The following ATAD2 variants were observed in gnomAD, a reference collection of about 807,000 sequenced individuals.
ATAD2 encodes the protein ATPase family AAA domain-containing protein 2.
In ATAD2, 62 loss-of-function variants were observed where a neutral mutation model predicts 168.9. That is an observed-to-expected ratio of 0.37 (90% confidence interval 0.30 to 0.45). The LOEUF (loss-of-function observed/expected upper bound fraction) is 0.45, where lower values mean the gene tolerates loss of function less well. Ranked by LOEUF, ATAD2 falls within the 20% of genes least tolerant of loss-of-function variation. The pLI is 1.00. For synonymous variants in ATAD2, 613 were observed against 571.6 expected, an observed-to-expected ratio of 1.07 and a Z score of -1.03; for missense variants, 1,419 against 1,667.8, an observed-to-expected ratio of 0.85 and a Z score of 2.60.
rs117211505 is a variant in ATAD2, at chr8:123,369,944, C to G, written c.808G>C (p.Asp270His). The change falls in exon 7 of 28, where the codon GAT (aspartate) becomes CAT (histidine). Residue 270 changes from aspartate (D) to histidine (H), a missense_variant. Asp to His is a moderately conservative substitution (Grantham distance 81). This residue lies in a region of ATAD2 where 419 missense variants were observed against 423.5 expected (regional missense o/e 0.99). Coordinates refer to ENST00000287394, the MANE Select transcript of ATAD2 (RefSeq NM_014109.4). Reference protein sequence around the residue: ...EDDEDDDDDDDDDDDDDDEDD... With the variant: ...EDDEDDDDDDHDDDDDDDEDD... ...TCATCATCATCATCATCATCATCATCGTCATCATCATCATCATCTTCATCA... is the reference window on the plus strand; with the variant it reads ...TCATCATCATCATCATCATCATCATGGTCATCATCATCATCATCTTCATCA... 6.3e-7 allele frequency: 1 copy of G among 1,577,648 alleles called. No individual in the cohort carries two copies. The highest frequency in any genetic ancestry group is 1.1e-5 in the South Asian group (1 of 90,256).
At chr8:123,328,780 T>A (rs1357442834) in intron 24 of ATAD2, among the ~76,000 whole-genome samples, 1 of 149,680 alleles carries the variant, frequency 6.7e-6, no homozygotes, top group Non-Finnish European at 1.5e-5. Flanking sequence ...TGGTAAAAAA[T>A]TTTGATTTTA....
chr8:123,334,925 G>A (rs572602982), intron 22 of ATAD2, among the ~76,000 whole-genome samples: 8 of 152,294 alleles, frequency 5.3e-5, no homozygotes, highest in African/African-American at 1.7e-4. Flanking sequence ...TACATTACAC[G>A]CAGAATGCTG....
Position 123,403,319 on chromosome 8 carries a change from C to T in ATAD2, c.-2281-2144G>A, listed in dbSNP as rs1047530380. On this transcript the variant is annotated intron_variant, in intron 1 of 28. Transcript: ENST00000521903. ...TTTGCCATGTTGCCCAGGCTGGTCT[C>T]GAACTCCTGAGCTCAGGTGATCTGC... is the stretch of plus-strand genomic sequence containing the variant. Among the ~76,000 whole-genome samples, 7 of 151,640 alleles carry T rather than the reference C, an allele frequency of 4.6e-5. No individual in the cohort carries two copies. The East Asian group carries it at 9.7e-4, about 21-fold the overall frequency.
At position 123,325,900 on chromosome 8, in the gene ATAD2, C is replaced by T. The variant is rs149917956; in HGVS notation, c.3995G>A (p.Arg1332Gln). 9.9e-6 allele frequency: 16 copies of T among 1,613,634 alleles called. No homozygotes were observed. Among genetic ancestry groups the T allele is most frequent in the Middle Eastern group, 1.6e-4 (1 of 6,082 alleles). Reference protein sequence around the residue: ...PTPSLVVDHERLKNLLKTVVK... With the variant: ...PTPSLVVDHEQLKNLLKTVVK... ...TGATTTCAATTTACATACTTTTAAT[C>T]GCTCATGATCCACAACAAGTGAGGG... The change falls in exon 26 of 28, where the codon CGA (arginine) becomes CAA (glutamine). Residue 1332 changes from arginine (R) to glutamine (Q), a missense_variant. Physicochemically the swap from Arg to Gln is conservative, Grantham distance 43 (BLOSUM62 1). Coordinates refer to ENST00000287394, the MANE Select transcript of ATAD2 (RefSeq NM_014109.4).
chr8:123,348,390 A>T (rs1017575787), intron 14 of ATAD2, 117 bp from the exon 15 acceptor site: 1 of 790,212 alleles, frequency 1.3e-6, no homozygotes, highest in African/African-American at 1.8e-5. Context: ...TCAGTACTTA[A>T]TACTGGCCGG....
At chr8:123,379,094 A>C (rs1006093123) in intron 2 of ATAD2, among the ~76,000 whole-genome samples, 3 of 152,068 alleles carry the variant, frequency 2.0e-5, no homozygotes, top group African/African-American at 7.2e-5. Context: ...CACAGTGCCC[A>C]GCCAAAACAA....
Position 123,334,037 on chromosome 8 carries a change from G to T in ATAD2, c.3335-16C>A, listed in dbSNP as rs114329683. On this transcript the variant is annotated splice_polypyrimidine_tract_variant and intron_variant, in intron 23 of 27. Transcript: ENST00000287394. ...GAGCTACAACCTTATAAATAGATAT[G>T]TGGGATGTCAAAAGGATTTCCAGAT... is the stretch of plus-strand genomic sequence containing the variant. 1.2e-3 allele frequency: 1,901 copies of T among 1,597,096 alleles called. 31 individuals are homozygous for T. The African/African-American group carries it at 0.023, about 19-fold the overall frequency.
intron 12 of ATAD2, 107 bp downstream of exon 12, chr8:123,357,455 T>C: frequency 9.2e-7 from 1 of 1,090,526 alleles, no homozygotes; most frequent in Non-Finnish European, 1.2e-6. Context: ...AGTCTAATTC[T>C]TCTGGGTTTA....
intron 11 of ATAD2, 116 bp downstream of exon 11, chr8:123,359,105 T>C (rs779738332): frequency 1.8e-4 from 114 of 637,988 alleles, no homozygotes; most frequent in Non-Finnish European, 2.7e-4. Flanking sequence ...AGTTGTATAA[T>C]GAAAAGGGAA....
At chr8:123,333,126 C>T (rs1270602378) in intron 24 of ATAD2, among the ~76,000 whole-genome samples, 7 of 150,046 alleles carry the variant, frequency 4.7e-5, no homozygotes, top group African/African-American at 1.2e-4. Flanking sequence ...CAGTGGCTCA[C>T]GCCTGTAATC....
upstream of ATAD2, among the ~76,000 whole-genome samples, chr8:123,399,662 C>G (rs1389347846): frequency 6.6e-6 from 1 of 151,000 alleles, no homozygotes; most frequent in Non-Finnish European, 1.5e-5. Flanking sequence ...CTAGAGCAGC[C>G]TGACCAACAT....
Position 123,336,419 on chromosome 8 carries a change from T to G in ATAD2, c.3165A>C (p.Leu1055=). The G allele has an allele frequency of 1.9e-6, 3 of 1,585,190 alleles. No homozygotes were observed. Among genetic ancestry groups the G allele is most frequent in the Non-Finnish European group, 2.6e-6 (3 of 1,171,416 alleles). The part of the protein sequence containing the change: ...TVKDYLRDID[L]ICSNALEYNP... ...TGTATTCTAAGGCATTACTACAGAT[T>G]AGATCAATATCTCTCAAATAGTCTT... The change falls in exon 22 of 28, where the codon CTA becomes CTC. Residue 1055 remains leucine, a synonymous_variant. Coordinates refer to ENST00000287394, the MANE Select transcript of ATAD2 (RefSeq NM_014109.4).
intron 1 of ATAD2, among the ~76,000 whole-genome samples, chr8:123,404,698 C>G (rs1437213545): frequency 6.6e-6 from 1 of 152,058 alleles, no homozygotes; most frequent in African/African-American, 2.4e-5. Context: ...TCCAGAGTAG[C>G]TGGGATTACA....
upstream of ATAD2, among the ~76,000 whole-genome samples, chr8:123,397,910 G>T (rs1352788628): frequency 6.6e-6 from 1 of 152,136 alleles, no homozygotes; most frequent in East Asian, 1.9e-4. Flanking sequence ...GAAGAGAGAG[G>T]CGGGAAGCAG....
At chr8:123,333,316 A>G (rs1190132943) in intron 24 of ATAD2, among the ~76,000 whole-genome samples, 4 of 141,084 alleles carry the variant, frequency 2.8e-5, no homozygotes, top group African/African-American at 7.8e-5. Flanking sequence ...AGGCTGAGGC[A>G]GGAGAATGGC....
At chr8:123,331,671 T>G (rs566593720) in intron 24 of ATAD2, among the ~76,000 whole-genome samples, 2 of 152,360 alleles carry the variant, frequency 1.3e-5, no homozygotes, top group African/African-American at 4.8e-5. Context: ...GGTTATGACT[T>G]TCTCTGCTTC....
chr8:123,323,016 C>G lies in ATAD2; in HGVS notation c.4053G>C (p.Gln1351His). The stretch of plus-strand genomic sequence containing the variant: ...TGATTACTGCATACAAATTTTCCAA[C>G]TGAAATATGTTGTAGTTTTGACTTT... ...VKKSQNYNIF[Q>H]LENLYAVISQ... Residue 1351 changes from glutamine to histidine, a missense_variant, in exon 27 of 28, where the codon CAG becomes CAC. By Grantham distance (24) the Gln-to-His change is conservative. This residue lies in a region of ATAD2 where 303 missense variants were observed against 304.3 expected (regional missense o/e 1.00). Transcript: ENST00000287394. 6.2e-7 allele frequency: 1 copy of G among 1,612,648 alleles called. No individual in the cohort carries two copies. The highest frequency in any genetic ancestry group is 2.2e-5 in the East Asian group (1 of 44,848).
At chr8:123,404,971 A>G (rs74535672) in intron 1 of ATAD2, among the ~76,000 whole-genome samples, 1 of 152,170 alleles carries the variant, frequency 6.6e-6, no homozygotes, top group East Asian at 1.9e-4. Flanking sequence ...ATTCACACAT[A>G]AGAGGGGGGT....
intron 1 of ATAD2, among the ~76,000 whole-genome samples, chr8:123,403,153 G>C (rs1813028390): frequency 1.3e-5 from 2 of 151,872 alleles, no homozygotes; most frequent in Admixed American, 6.6e-5. Context: ...GCAGTGGTGG[G>C]ATTTTAGCTC....
Sources: allele counts gnomAD v4.1 joint callset (sites outside exome capture counted in the v4.1 genomes callset), GRCh38; gene constraint gnomAD v4.1.1; regional missense constraint gnomAD v4.1.1; transcripts MANE v1.5; gene names NCBI Gene and HGNC (gene_info 2026-07-23, HGNC 2026-07-21).